Variants in TGM6 observed in about 807,000 individuals in gnomAD.
The protein encoded by TGM6 is transglutaminase 6.
Under a neutral mutation model 77.5 loss-of-function variants are expected in TGM6, and 74 were observed. The ratio of observed to expected loss-of-function variants is 0.96; its 90% confidence interval spans 0.79 to 1.16. The LOEUF (loss-of-function observed/expected upper bound fraction) is 1.16, where lower values mean the gene tolerates loss of function less well. Among genes scored for constraint, TGM6 ranks in the 50% most tolerant of loss-of-function variants. The pLI is 0.00. For synonymous variants in TGM6, 383 were observed against 378.9 expected, an observed-to-expected ratio of 1.01 and a Z score of -0.12; for missense variants, 968 against 940.2, an observed-to-expected ratio of 1.03 and a Z score of -0.39.
At chr20:2,428,843 A>G (rs529633584) in intron 10 of TGM6, among the ~76,000 whole-genome samples, 1 of 152,274 alleles carries the variant, frequency 6.6e-6, no homozygotes, top group South Asian at 2.1e-4. Context: ...TGTTATTTTG[A>G]GATAGAGTCT....
At chr20:2,402,916 T>C (rs981287542) in intron 7 of TGM6, among the ~76,000 whole-genome samples, 1 of 152,208 alleles carries the variant, frequency 6.6e-6, no homozygotes, top group African/African-American at 2.4e-5. Flanking sequence ...TGCTGTTCCT[T>C]CTTTCTAGAA....
At position 2,417,423 on chromosome 20, in the gene TGM6, G is replaced by C. The variant is rs201964784; in HGVS notation, c.1528G>C (p.Asp510His). The stretch of plus-strand genomic sequence containing the variant: ...GCTAGAGCCTCCCATGCTGGGCCAC[G>C]ACCTGAGACTGGCCCTGTGCTTGGC... ...KVLEPPMLGHDLRLALCLANL... is the reference protein window; with the variant it reads ...KVLEPPMLGHHLRLALCLANL... Residue 510 changes from aspartate to histidine, a missense_variant, in exon 10 of 13, where the codon GAC becomes CAC. Transcript: ENST00000202625. 51 of 1,612,992 alleles carry C rather than the reference G, an allele frequency of 3.2e-5. No homozygotes were observed. In the East Asian group the frequency reaches 1.1e-3, roughly 34 times the overall value.
chr20:2,420,325 GT>G (rs1295899335), intron 10 of TGM6, among the ~76,000 whole-genome samples: 1 of 152,060 alleles, frequency 6.6e-6, no homozygotes, highest in Non-Finnish European at 1.5e-5. Context: ...AAATTATTAG[GT>G]TTTTAAGTAG....
At chr20:2,427,465 C>A (rs2084895333) in intron 10 of TGM6, among the ~76,000 whole-genome samples, 1 of 152,000 alleles carries the variant, frequency 6.6e-6, no homozygotes, top group Admixed American at 6.5e-5. Flanking sequence ...GGCTTATTGA[C>A]TTTACTGATC....
chr20:2,389,077 C>T (rs2084614516), intron 1 of TGM6, among the ~76,000 whole-genome samples: 1 of 152,150 alleles, frequency 6.6e-6, no homozygotes, highest in African/African-American at 2.4e-5. Flanking sequence ...ACTGCCTTGA[C>T]CCATAGGATA....
rs751431791 is a variant in TGM6, at chr20:2,380,919, G to A, written c.-50G>A. 19 of 1,598,306 alleles carry A rather than the reference G, an allele frequency of 1.2e-5. 1 individual carries two copies. The highest frequency in any genetic ancestry group is 4.6e-5 in the South Asian group (4 of 87,674). ...CTGTGACGCGCCACACTGTCCTGAC[G>A]GTGCACACACTGCTGTGTGGAGGAA... On this transcript the variant is annotated 5_prime_UTR_variant, in exon 1 of 13. Coordinates refer to ENST00000202625, the MANE Select transcript of TGM6 (RefSeq NM_198994.3).
chr20:2,403,893 G>C, intron 9 of TGM6, 70 bp downstream of exon 9: 2 of 1,612,510 alleles, frequency 1.2e-6, no homozygotes, highest in Non-Finnish European at 1.7e-6. Flanking sequence ...GCCCACTGCA[G>C]GTGGCCTGGA....
chr20:2,409,632 A>G (rs929778221), intron 9 of TGM6, among the ~76,000 whole-genome samples: 1 of 151,918 alleles, frequency 6.6e-6, no homozygotes, highest in African/African-American at 2.4e-5. Context: ...GAATCACCTG[A>G]ACCTGGGAGG....
intron 1 of TGM6, among the ~76,000 whole-genome samples, chr20:2,384,689 T>C (rs1035375644): frequency 6.6e-6 from 1 of 152,178 alleles, no homozygotes; most frequent in Non-Finnish European, 1.5e-5. Context: ...AGCTCAAGTG[T>C]GTGCCTCTGA....
chr20:2,400,780 C>T (rs1331018458), intron 7 of TGM6, among the ~76,000 whole-genome samples: 1 of 152,120 alleles, frequency 6.6e-6, no homozygotes, highest in African/African-American at 2.4e-5. Flanking sequence ...GGATCAGGCT[C>T]CTGCTTCCGT....
chr20:2,384,189 G>A (rs1348141840), intron 1 of TGM6, among the ~76,000 whole-genome samples: 2 of 152,034 alleles, frequency 1.3e-5, no homozygotes, highest in African/African-American at 4.8e-5. Flanking sequence ...GATGAATAGG[G>A]AGACGTTGAT....
At chr20:2,402,803 C>A (rs2084720425) in intron 7 of TGM6, among the ~76,000 whole-genome samples, 1 of 152,208 alleles carries the variant, frequency 6.6e-6, no homozygotes, top group Non-Finnish European at 1.5e-5. Context: ...ATAATCAGAA[C>A]CCTACCTACC....
intron 1 of TGM6, among the ~76,000 whole-genome samples, chr20:2,389,815 G>T (rs6113984): frequency 6.6e-6 from 1 of 152,254 alleles, no homozygotes; most frequent in Admixed American, 6.5e-5. Context: ...CCATAATCAT[G>T]AGTGAACACA....
intron 9 of TGM6, among the ~76,000 whole-genome samples, 189 bp from the exon 10 acceptor site, chr20:2,417,043 G>A (rs2084820979): frequency 6.6e-6 from 1 of 152,098 alleles, no homozygotes; most frequent in Non-Finnish European, 1.5e-5. Context: ...AGAGAAGCTG[G>A]AAATTTGCAT....
intron 10 of TGM6, among the ~76,000 whole-genome samples, chr20:2,420,806 GT>G (rs1316261938): frequency 2.0e-5 from 3 of 152,048 alleles, no homozygotes; most frequent in Non-Finnish European, 4.4e-5. Flanking sequence ...ATCCCTTACG[GT>G]TTTTGTGTCT....
At chr20:2,419,395 C>T (rs747060853) in intron 10 of TGM6, among the ~76,000 whole-genome samples, 83 of 152,108 alleles carry the variant, frequency 5.5e-4, no homozygotes, top group Admixed American at 8.5e-4. Flanking sequence ...ACTTTTTTAG[C>T]TTTTTTTGTC....
At chr20:2,421,608 C>T (rs2084856987) in intron 10 of TGM6, among the ~76,000 whole-genome samples, 1 of 152,122 alleles carries the variant, frequency 6.6e-6, no homozygotes, top group South Asian at 2.1e-4. Flanking sequence ...AGGTCTTTTG[C>T]CCATATTTTA....
rs533665038 is a variant in TGM6 at position 2,403,702 on chromosome 20, C to G, written c.1215C>G (p.His405Gln). The G allele has an allele frequency of 6.2e-7, 1 of 1,614,162 alleles. No individual in the cohort carries two copies. The highest frequency in any genetic ancestry group is 2.2e-5 in the East Asian group (1 of 44,884). ...CCGACTACATCACCTGGCTGTGGCA[C>G]GAGGATGAGAGCCGGGAGCGTGTAT... ...VNADYITWLW[H>Q]EDESRERVYS... The change falls in exon 9 of 13, where the codon CAC becomes CAG. Residue 405 changes from histidine (H) to glutamine (Q), a missense_variant. Transcript: ENST00000202625.
intron 3 of TGM6, among the ~76,000 whole-genome samples, chr20:2,396,180 CAAAA>C (rs10548828): frequency 3.9e-5 from 5 of 126,810 alleles, no homozygotes; most frequent in Admixed American, 7.8e-5. Context: ...AACTCTATCT[CAAAA>C]AAAAAAAAAA....
Sources: gnomAD v4.1 joint callset for allele counts (sites outside exome capture counted in the v4.1 genomes callset) on GRCh38, gnomAD v4.1.1 for gene constraint, MANE v1.5 for transcripts, NCBI Gene and HGNC (gene_info 2026-07-23, HGNC 2026-07-21) for gene names.